HCN1: variants seen among roughly 807,000 people sequenced by gnomAD.
HCN1 encodes potassium/sodium hyperpolarization-activated cyclic nucleotide-gated channel 1.
A neutral mutation model predicts 78.9 loss-of-function variants in HCN1; 13 were observed. That is an observed-to-expected ratio of 0.16 (90% confidence interval 0.11 to 0.26). The LOEUF is 0.26. HCN1 is among the 10% of genes least tolerant of loss of function. The probability of loss-of-function intolerance (pLI) is 1.00; values close to 1 mark genes in which losing one functional copy is unlikely to be tolerated. For synonymous variants in HCN1, 552 were observed against 455.5 expected (o/e 1.21, Z -2.70); for missense variants, 810 against 1,154.3 (o/e 0.70, Z 4.32).
Position 45,287,480 on chromosome 5 carries a change from G to A in HCN1, c.1618+16119C>T, listed in dbSNP as rs910585325. 7.2e-5 allele frequency among the ~76,000 whole-genome samples: 11 copies of A among 151,982 alleles called. 1 individual carries two copies. Reference sequence around the variant, plus strand: ...TTCTTGTAGTTATTTTAATATAGCTGAGTTATGTAATACATATGGAATTAC... The same window carrying A: ...TTCTTGTAGTTATTTTAATATAGCTAAGTTATGTAATACATATGGAATTAC... On this transcript the variant is annotated intron_variant, in intron 6 of 7. Coordinates refer to ENST00000303230, the MANE Select transcript of HCN1 (RefSeq NM_021072.4).
At chr5:45,436,598 T>A (rs1740564164) in intron 3 of HCN1, among the ~76,000 whole-genome samples, 1 of 152,210 alleles carries the variant, frequency 6.6e-6, no homozygotes, top group Non-Finnish European at 1.5e-5. Context: ...CAGTTTGCTA[T>A]GGCAAGTAGT....
At chr5:45,274,162 C>G (rs1046028931) in intron 6 of HCN1, among the ~76,000 whole-genome samples, 4 of 152,042 alleles carry the variant, frequency 2.6e-5, no homozygotes, top group African/African-American at 4.8e-5. Context: ...ATTCTAATAA[C>G]CAGAATACCC....
intron 5 of HCN1, among the ~76,000 whole-genome samples, chr5:45,312,812 C>T (rs1443076224): frequency 1.3e-5 from 2 of 152,082 alleles, no homozygotes; most frequent in African/African-American, 2.4e-5. Context: ...GGCAGTGAGG[C>T]TGGGGGAGGG....
At chr5:45,665,519 T>C (rs1438932502) in intron 1 of HCN1, among the ~76,000 whole-genome samples, 1 of 152,064 alleles carries the variant, frequency 6.6e-6, no homozygotes, top group Non-Finnish European at 1.5e-5. Context: ...GTATCTGGTT[T>C]CTTCAACAGC....
intron 5 of HCN1, among the ~76,000 whole-genome samples, chr5:45,344,244 C>A (rs181979661): frequency 6.6e-6 from 1 of 152,118 alleles, no homozygotes; most frequent in East Asian, 1.9e-4. Flanking sequence ...CCCCATGATT[C>A]AATTACCTCC....
chr5:45,620,409 G>A (rs1413244211), intron 2 of HCN1, among the ~76,000 whole-genome samples: 1 of 151,824 alleles, frequency 6.6e-6, no homozygotes, highest in Non-Finnish European at 1.5e-5. Flanking sequence ...TTCAGAAGCT[G>A]AGTGAAAGTT....
chr5:45,262,170 C>G lies in HCN1; in HGVS notation c.2424G>C (p.Val808=). 1 of 1,613,976 alleles carries G rather than the reference C, an allele frequency of 6.2e-7. No homozygotes were observed. The highest frequency in any genetic ancestry group is 8.5e-7 in the Non-Finnish European group (1 of 1,180,018). The change falls in exon 8 of 8, where the codon GTG becomes GTC. Residue 808 remains valine, a synonymous_variant. Coordinates refer to ENST00000303230, the MANE Select transcript of HCN1 (RefSeq NM_021072.4). The part of the protein sequence containing the change: ...STLISRPHPT[V]GESLASIPQP... ...GAGGGATGGAGGCCAGGGACTCGCC[C>G]ACAGTGGGATGAGGTCTGGAAATCA...
At position 45,262,530 on chromosome 5, in the gene HCN1, G is replaced by C. The variant is rs755329031; in HGVS notation, c.2064C>G (p.Pro688=). 6.2e-7 allele frequency: 1 copy of C among 1,613,848 alleles called. No individual in the cohort carries two copies. Among genetic ancestry groups the C allele is most frequent in the Non-Finnish European group, 8.5e-7 (1 of 1,179,974 alleles). ...LHSPSPSTQT[P]QPSAILSPCS... ...AGGGTGACAGGATGGCTGATGGCTG[G>C]GGGGTCTGTGTGCTGGGACTGGGGG... Residue 688 remains proline (P), a synonymous_variant, in exon 8 of 8, where the codon CCC becomes CCG. Transcript: ENST00000303230.
chr5:45,487,751 G>A (rs956774518), intron 2 of HCN1, among the ~76,000 whole-genome samples: 9 of 152,024 alleles, frequency 5.9e-5, no homozygotes, highest in African/African-American at 1.9e-4. Flanking sequence ...TTATGAAGTA[G>A]TATGTTACAC....
At chr5:45,587,279 G>T (rs1222260472) in intron 2 of HCN1, among the ~76,000 whole-genome samples, 1 of 152,188 alleles carries the variant, frequency 6.6e-6, no homozygotes, top group Non-Finnish European at 1.5e-5. Flanking sequence ...GTTCACAACA[G>T]CAAAGACTTG....
intron 2 of HCN1, among the ~76,000 whole-genome samples, chr5:45,483,243 C>A (rs1438819254): frequency 6.6e-6 from 1 of 152,154 alleles, no homozygotes; most frequent in African/African-American, 2.4e-5. Flanking sequence ...ATAAGCGCTA[C>A]CCTTTTTCCA....
chr5:45,539,950 ATATATATAT>A (rs1743063534), intron 2 of HCN1, among the ~76,000 whole-genome samples: 5 of 99,908 alleles, frequency 5.0e-5, no homozygotes, highest in Admixed American at 1.1e-4. Context: ...ATATATATAT[ATATATATAT>A]AAAATGTTTA....
At position 45,645,723 on chromosome 5, in the gene HCN1, G is replaced by T; in HGVS notation, c.426-115C>A. The T allele has an allele frequency of 8.4e-6, 5 of 595,230 alleles. No homozygotes were observed. The East Asian group carries it at 8.6e-5, about 10-fold the overall frequency. The allele number at this position is 595,230 out of a possible 1,614,324, so 36.9% of individuals were successfully genotyped here. On this transcript the variant is annotated intron_variant, in intron 1 of 7. Transcript: ENST00000303230. ...TCAATAAGTAAAAGAACAAAGAAAT[G>T]ATTTTATTTTTTAAAAATGTAATTC...
At chr5:45,682,305 C>A (rs1028393682) in intron 1 of HCN1, among the ~76,000 whole-genome samples, 17 of 137,882 alleles carry the variant, frequency 1.2e-4, no homozygotes, top group African/African-American at 4.9e-4. Context: ...ATATATATCC[C>A]AATTTTAAAA....
intron 2 of HCN1, chr5:45,642,441 C>G (rs1446028761): frequency 7.3e-5 from 11 of 151,328 alleles, no homozygotes; most frequent in Admixed American, 2.7e-4. Context: ...TTCAGTTGAA[C>G]TAATTCAGTC....
chr5:45,495,008 T>C (rs1417519216), intron 2 of HCN1, among the ~76,000 whole-genome samples: 2 of 144,842 alleles, frequency 1.4e-5, no homozygotes, highest in African/African-American at 5.2e-5. Context: ...TGTAGCCTTG[T>C]AGTATAGTTT....
At chr5:45,396,325 T>C (rs1361489055) in intron 4 of HCN1, among the ~76,000 whole-genome samples, 167 bp downstream of exon 4, 2 of 152,106 alleles carry the variant, frequency 1.3e-5, no homozygotes, top group Admixed American at 1.3e-4. Flanking sequence ...ATGAGAACTA[T>C]CTTGAAGAAA....
chr5:45,582,993 TG>T lies in HCN1; in HGVS notation c.849+62191del, dbSNP rs1370507213. Among the ~76,000 whole-genome samples, 260 of 144,564 alleles carry T rather than the reference TG, an allele frequency of 1.8e-3. 1 individual carries two copies. Among genetic ancestry groups the T allele is most frequent in the African/African-American group, 6.1e-3 (243 of 40,044 alleles). 94.8% of individuals were successfully genotyped at this position (144,564 alleles called of 152,430 possible). ...GGTCTAAAATTCTCTTTTTTTTTTT[TG>T]TTGTGTCTCTGCCAGGGTTTGGTAT... On this transcript the variant is annotated intron_variant, in intron 2 of 7. Transcript: ENST00000303230.
chr5:45,316,363 C>G (rs189176900), intron 5 of HCN1, among the ~76,000 whole-genome samples: 1 of 152,026 alleles, frequency 6.6e-6, no homozygotes, highest in Non-Finnish European at 1.5e-5. Flanking sequence ...AAATTCAACA[C>G]CCCTTCATGC....
Sources: allele counts gnomAD v4.1 joint callset (sites outside exome capture counted in the v4.1 genomes callset), GRCh38; gene constraint gnomAD v4.1.1; transcripts MANE v1.5; gene names NCBI Gene and HGNC (gene_info 2026-07-23, HGNC 2026-07-21).